Variants in PFKP observed in about 807,000 individuals in gnomAD.
PFKP encodes ATP-dependent 6-phosphofructokinase, platelet type.
A neutral mutation model predicts 94.3 loss-of-function variants in PFKP; 101 were observed. The ratio of observed to expected loss-of-function variants is 1.07; its 90% CI spans 0.91 to 1.26. PFKP has a LOEUF of 1.26. PFKP is among the 50% of genes most tolerant of loss of function. The probability of loss-of-function intolerance (pLI) is 0.00; values close to 1 mark genes in which losing one functional copy is unlikely to be tolerated. For synonymous variants in PFKP, 573 were observed against 432.6 expected, an observed-to-expected ratio of 1.32 and a Z score of -4.03; for missense variants, 1,145 against 1,103.3, an observed-to-expected ratio of 1.04 and a Z score of -0.53.
chr10:3,112,177 C>T (rs770898471), intron 10 of PFKP, 45 bp from the exon 11 acceptor site: 2 of 1,488,464 alleles, frequency 1.3e-6, no homozygotes, highest in Admixed American at 1.7e-5. Context: ...CATGATGCAC[C>T]AGGTCCTGAC....
intron 2 of PFKP, among the ~76,000 whole-genome samples, chr10:3,091,475 G>C (rs1834034861): frequency 6.6e-6 from 1 of 152,172 alleles, no homozygotes; most frequent in African/African-American, 2.4e-5. Context: ...TTCTTCTGCA[G>C]ATTTCAGAAA....
intron 19 of PFKP, among the ~76,000 whole-genome samples, chr10:3,133,829 T>G (rs1417366650): frequency 2.0e-5 from 3 of 152,230 alleles, no homozygotes; most frequent in Admixed American, 2.0e-4. Flanking sequence ...AACTGTCAGC[T>G]TTCATGAAAA....
intron 16 of PFKP, chr10:3,125,067 C>A: frequency 8.3e-7 from 1 of 1,205,568 alleles, no homozygotes; most frequent in Non-Finnish European, 1.1e-6. Context: ...ACCCGGCACC[C>A]CCGCTAACCG....
chr10:3,102,588 T>A (rs945060248), intron 4 of PFKP, among the ~76,000 whole-genome samples: 4 of 152,056 alleles, frequency 2.6e-5, no homozygotes, highest in Non-Finnish European at 4.4e-5. Context: ...TTTTTTAAAA[T>A]TTTTTTATTT....
intron 5 of PFKP, 57 bp from the exon 6 acceptor site, chr10:3,105,058 C>G (rs1211935657): frequency 1.3e-6 from 2 of 1,524,298 alleles, no homozygotes; most frequent in Non-Finnish European, 1.8e-6. Context: ...AGTGGGTGCT[C>G]CCTCTGTTTC....
rs752469886 is a variant in PFKP, at chr10:3,067,576, C to G, written c.-20C>G. 8.8e-6 allele frequency: 12 copies of G among 1,367,762 alleles called. No individual in the cohort carries two copies. The South Asian group carries it at 8.9e-5, about 10-fold the overall frequency. The allele number at this position is 1,367,762 out of a possible 1,614,324, so 84.7% of individuals were successfully genotyped here. A position where few individuals can be genotyped will look rare whatever the true frequency, so the allele number is the denominator to read the frequency against. ...GCCTGCTGCGCACCCGGACGTGCGG[C>G]TCCCCTCGGCCTCCTCGCCATGGAC... On this transcript the variant is annotated 5_prime_UTR_variant, in exon 1 of 22. Coordinates refer to ENST00000381125, the MANE Select transcript of PFKP (RefSeq NM_002627.5).
At chr10:3,087,721 C>G (rs1833708887) in intron 2 of PFKP, among the ~76,000 whole-genome samples, 1 of 152,058 alleles carries the variant, frequency 6.6e-6, no homozygotes, top group African/African-American at 2.4e-5. Flanking sequence ...TCATTTGAGC[C>G]CAAATTTCCT....
Position 3,136,518 on chromosome 10 carries a change from A to C in PFKP, c.2294A>C (p.Lys765Thr). The C allele has an allele frequency of 6.2e-7, 1 of 1,613,580 alleles. No homozygotes were observed. The highest frequency in any genetic ancestry group is 2.2e-5 in the East Asian group (1 of 44,876). The change falls in exon 22 of 22, where the codon AAG becomes ACG. Residue 765 changes from lysine to threonine, a missense_variant. Coordinates refer to ENST00000381125, the MANE Select transcript of PFKP (RefSeq NM_002627.5). ...CTCATGAAAATCCTGGCCAAGTACA[A>C]GGCCAGCTATGACGTGTCGGACTCA... is the stretch of plus-strand genomic sequence containing the variant. ...RPLMKILAKY[K>T]ASYDVSDSGQ...
chr10:3,088,282 A>G (rs963761036), intron 2 of PFKP, among the ~76,000 whole-genome samples: 1 of 151,612 alleles, frequency 6.6e-6, no homozygotes, highest in Non-Finnish European at 1.5e-5. Context: ...TGCTGAGAAT[A>G]ATGGTTTCCA....
At chr10:3,100,561 C>T (rs1483893259) in intron 3 of PFKP, among the ~76,000 whole-genome samples, 1 of 152,140 alleles carries the variant, frequency 6.6e-6, no homozygotes, top group Non-Finnish European at 1.5e-5. Flanking sequence ...CTCCTGGGAG[C>T]TGCCTGCAGA....
At chr10:3,127,054 G>A (rs986736962) in intron 16 of PFKP, among the ~76,000 whole-genome samples, 9 of 152,272 alleles carry the variant, frequency 5.9e-5, no homozygotes, top group Admixed American at 6.5e-5. Context: ...GCAGGGCCGC[G>A]CTTGGGATCT....
intron 8 of PFKP, among the ~76,000 whole-genome samples, chr10:3,108,293 G>C (rs1588488218): frequency 6.6e-6 from 1 of 152,242 alleles, no homozygotes; most frequent in East Asian, 1.9e-4. Context: ...GGAACGCCTT[G>C]ATTGGGCTGG....
At chr10:3,069,342 T>C in intron 1 of PFKP, 1 of 1,582,794 alleles carries the variant, frequency 6.3e-7, no homozygotes, top group Non-Finnish European at 8.6e-7. Flanking sequence ...GAGAGTGAAG[T>C]GGAAATAGCC....
intron 2 of PFKP, among the ~76,000 whole-genome samples, chr10:3,083,734 C>T (rs1833264973): frequency 6.6e-6 from 1 of 152,176 alleles, no homozygotes; most frequent in Non-Finnish European, 1.5e-5. Flanking sequence ...CCTCCGCCTC[C>T]CAGATTCAAA....
At chr10:3,110,990 A>G (rs1357802824) in intron 10 of PFKP, among the ~76,000 whole-genome samples, 1 of 149,328 alleles carries the variant, frequency 6.7e-6, no homozygotes, top group Admixed American at 6.7e-5. Flanking sequence ...ATGCATGTGT[A>G]CATTTGAGTG....
chr10:3,111,998 C>T (rs576845261), intron 10 of PFKP, among the ~76,000 whole-genome samples: 21 of 152,328 alleles, frequency 1.4e-4, no homozygotes, highest in African/African-American at 4.6e-4. Flanking sequence ...GCTAAGCAGT[C>T]CCAGGGCTCT....
At chr10:3,134,653 T>A (rs549432152) in intron 20 of PFKP, 71 bp downstream of exon 20, 6 of 968,774 alleles carry the variant, frequency 6.2e-6, no homozygotes, top group Non-Finnish European at 8.3e-6. Context: ...AATGCTGTCC[T>A]ATCGGGGAGA....
chr10:3,084,431 G>A (rs1328639016), intron 2 of PFKP, among the ~76,000 whole-genome samples: 1 of 150,900 alleles, frequency 6.6e-6, no homozygotes, highest in Non-Finnish European at 1.5e-5. Context: ...GCTGGAAAGA[G>A]GTTTTTTTGT....
chr10:3,122,013 G>T (rs368135339), intron 16 of PFKP, among the ~76,000 whole-genome samples: 1 of 151,528 alleles, frequency 6.6e-6, no homozygotes, highest in African/African-American at 2.4e-5. Flanking sequence ...ATAGAGACGG[G>T]GTCTCCCTGT....
Sources: allele counts gnomAD v4.1 joint callset (sites outside exome capture counted in the v4.1 genomes callset), GRCh38; gene constraint gnomAD v4.1.1; transcripts MANE v1.5; gene names NCBI Gene and HGNC (gene_info 2026-07-23, HGNC 2026-07-21).